Variants in PKD1L3 observed in about 807,000 individuals in gnomAD.
PKD1L3 encodes the protein polycystin-1-like protein 3.
In PKD1L3, 239 loss-of-function variants were observed where a neutral mutation model predicts 184.1. The observed-to-expected ratio is 1.30, with a 90% CI of 1.17 to 1.45. PKD1L3 has a LOEUF of 1.45. PKD1L3 is among the 40% of genes most tolerant of loss of function. The pLI is 0.00. For synonymous variants in PKD1L3, 996 were observed against 778.8 expected (o/e 1.28, Z -4.64); for missense variants, 2,660 against 2,067.2 (o/e 1.29, Z -5.56).
chr16:71,953,164 G>T, intron 17 of PKD1L3, 71 bp from the exon 18 acceptor site: 1 of 1,254,582 alleles, frequency 8.0e-7, no homozygotes, highest in Non-Finnish European at 1.1e-6. Context: ...TCCTCTCCTA[G>T]GTTTAACTAT....
intron 2 of PKD1L3, among the ~76,000 whole-genome samples, chr16:71,994,626 T>G (rs2040715669): frequency 6.6e-6 from 1 of 152,158 alleles, no homozygotes; most frequent in African/African-American, 2.4e-5. Flanking sequence ...TGAGCAAAAT[T>G]ACCTTAAAAA....
chr16:71,950,149 G>T lies in PKD1L3; in HGVS notation c.3352C>A (p.His1118Asn), dbSNP rs1436495210. 2.6e-6 allele frequency: 4 copies of T among 1,552,086 alleles called. No individual in the cohort carries two copies. The highest frequency in any genetic ancestry group is 1.7e-4 in the Middle Eastern group (1 of 6,020). ...LQKLQELLET[H>N]ILPTEQEPSR... The stretch of plus-strand genomic sequence containing the variant: ...GGCTCTTGCTCCGTGGGAAGAATAT[G>T]TGTTTCCAAGAGTTCCTGGAGTTTT... The change falls in exon 20 of 30, where the codon CAT becomes AAT. Residue 1118 changes from histidine to asparagine, a missense_variant. Physicochemically the swap from His to Asn is moderately conservative, Grantham distance 68. Coordinates refer to ENST00000620267, the MANE Select transcript of PKD1L3 (RefSeq NM_181536.2).
chr16:71,945,119 AG>A (rs1459706988), intron 22 of PKD1L3, among the ~76,000 whole-genome samples: 2 of 150,828 alleles, frequency 1.3e-5, no homozygotes, highest in African/African-American at 2.4e-5. Flanking sequence ...TACTTAGACT[AG>A]AAACAAACTG....
At chr16:71,982,328 C>T in intron 6 of PKD1L3, 93 bp from the exon 7 acceptor site, 1 of 1,159,286 alleles carries the variant, frequency 8.6e-7, no homozygotes, top group Non-Finnish European at 1.2e-6. Context: ...TCTTGTTGCC[C>T]AGGCTAGAGT....
Position 71,951,833 on chromosome 16 carries a change from C to T in PKD1L3, c.3010-89G>A, listed in dbSNP as rs568516916. The T allele has an allele frequency of 5.4e-5, 65 of 1,212,992 alleles. 2 individuals carry two copies. Among genetic ancestry groups the T allele is most frequent in the Admixed American group, 3.8e-4 (14 of 37,018 alleles). The allele number at this position is 1,212,992 out of a possible 1,614,324, so 75.1% of individuals were successfully genotyped here. On this transcript the variant is annotated intron_variant, in intron 18 of 29. Coordinates refer to ENST00000620267, the MANE Select transcript of PKD1L3 (RefSeq NM_181536.2). ...TACAGGTGGTAAGGCCGTTCCCTTT[C>T]GTCAGAAGGGGATATGCTTAGCACA...
chr16:71,964,575 G>C (rs1045482513), intron 15 of PKD1L3, among the ~76,000 whole-genome samples: 1 of 151,490 alleles, frequency 6.6e-6, no homozygotes, highest in Non-Finnish European at 1.5e-5. Context: ...TCCTGACCTC[G>C]TGATCTGCCC....
chr16:71,955,957 C>G (rs1428273539), intron 16 of PKD1L3, among the ~76,000 whole-genome samples: 1 of 152,098 alleles, frequency 6.6e-6, no homozygotes, highest in Non-Finnish European at 1.5e-5. Context: ...CTTTCCTTTA[C>G]AAATTACCCA....
At chr16:71,948,902 C>G (rs1365733183) in intron 21 of PKD1L3, among the ~76,000 whole-genome samples, 1 of 148,598 alleles carries the variant, frequency 6.7e-6, no homozygotes, top group Non-Finnish European at 1.5e-5. Flanking sequence ...GTCAAGATAC[C>G]AAGTAGTTTC....
chr16:71,983,751 C>T (rs1418714669), intron 6 of PKD1L3, among the ~76,000 whole-genome samples: 2 of 142,758 alleles, frequency 1.4e-5, no homozygotes, highest in African/African-American at 5.2e-5. Flanking sequence ...ATTGCCTCTG[C>T]CTCCTGGGTT....
At chr16:71,978,576 G>A (rs559448571) in intron 9 of PKD1L3, among the ~76,000 whole-genome samples, 193 bp from the exon 10 acceptor site, 1 of 139,606 alleles carries the variant, frequency 7.2e-6, no homozygotes, top group Non-Finnish European at 1.5e-5. Context: ...GTCACACTCT[G>A]TCAATCAGGA....
Position 71,947,505 on chromosome 16 carries a change from G to C in PKD1L3, c.3705C>G (p.Ile1235Met), listed in dbSNP as rs929992554. ...TACTTGAGTTACCCAAGAGTGCCAA[G>C]ATCCTCTTTGTTTGTTGTTCATTCT... Reference protein sequence around the residue: ...NKENEQQTKRILALLAKCSSS... With the variant: ...NKENEQQTKRMLALLAKCSSS... The change falls in exon 22 of 30, where the codon ATC becomes ATG. Residue 1235 changes from isoleucine to methionine, a missense_variant. By Grantham distance (10) the Ile-to-Met change is conservative (BLOSUM62 1). Coordinates refer to ENST00000620267, the MANE Select transcript of PKD1L3 (RefSeq NM_181536.2). 1.3e-6 allele frequency: 2 copies of C among 1,522,666 alleles called. No homozygotes were observed. Among genetic ancestry groups the C allele is most frequent in the African/African-American group, 1.5e-5 (1 of 64,972 alleles). 94.3% of individuals were successfully genotyped at this position (1,522,666 alleles called of 1,614,324 possible). A position where few individuals can be genotyped will look rare whatever the true frequency, so the allele number is the denominator to read the frequency against.
At chr16:71,931,304 C>T (rs954529755) in intron 28 of PKD1L3, 1 of 152,122 alleles carries the variant, frequency 6.6e-6, no homozygotes, top group African/African-American at 2.4e-5. Flanking sequence ...AGAACACAGC[C>T]TAGTCAGCCA....
intron 28 of PKD1L3, chr16:71,931,345 T>A (rs1249017390): frequency 6.6e-6 from 1 of 152,046 alleles, no homozygotes; most frequent in Admixed American, 6.6e-5. Flanking sequence ...CCTTAGTATC[T>A]GAGAGAGATT....
chr16:71,954,840 C>T (rs2038984498), intron 16 of PKD1L3, among the ~76,000 whole-genome samples: 1 of 152,106 alleles, frequency 6.6e-6, no homozygotes, highest in Admixed American at 6.6e-5. Flanking sequence ...TACTGAGCTC[C>T]AGACCTGGAG....
chr16:71,983,629 G>A (rs1034211080), intron 6 of PKD1L3, among the ~76,000 whole-genome samples: 1 of 145,592 alleles, frequency 6.9e-6, no homozygotes, highest in Non-Finnish European at 1.5e-5. Flanking sequence ...ATAATGCTAA[G>A]CTTGGCATAA....
chr16:71,985,932 G>C (rs910222629), intron 5 of PKD1L3, among the ~76,000 whole-genome samples: 1 of 152,208 alleles, frequency 6.6e-6, no homozygotes, highest in Non-Finnish European at 1.5e-5. Flanking sequence ...AGGAGGAATT[G>C]TCTAGAGGTT....
At position 71,962,473 on chromosome 16, in the gene PKD1L3, A is replaced by G. The variant is rs115358728; in HGVS notation, c.2612+732T>C. On this transcript the variant is annotated intron_variant, in intron 16 of 29. Transcript: ENST00000620267. ...GTGAATTCACCAGTACATTGCTTTA[A>G]TTATTTTGGTTTACTAACATCTTTG... Among the ~76,000 whole-genome samples, 1,025 of 152,204 alleles carry G rather than the reference A, an allele frequency of 6.7e-3. 15 individuals carry two copies. The highest frequency in any genetic ancestry group is 0.023 in the African/African-American group (947 of 41,528).
intron 10 of PKD1L3, 92 bp from the exon 11 acceptor site, chr16:71,977,559 T>TA: frequency 3.0e-5 from 21 of 700,978 alleles, no homozygotes; most frequent in Non-Finnish European, 4.3e-5. Context: ...ACGTCCTAGC[T>TA]CTTTTTTTTT....
Position 71,933,376 on chromosome 16 carries a change from T to TTCAATA in PKD1L3, c.4926+38_4926+43dup, listed in dbSNP as rs1567485370. On this transcript the variant is annotated intron_variant, in intron 28 of 29. Coordinates refer to ENST00000620267, the MANE Select transcript of PKD1L3 (RefSeq NM_181536.2). The stretch of plus-strand genomic sequence containing the variant: ...ATAAGGACCCCCCCAATTTTCCTTG[T>TTCAATA]TCAATATATTGAATTCTGTGAGGAA... 3 of 1,426,058 alleles carry TTCAATA rather than the reference T, an allele frequency of 2.1e-6. No individual in the cohort carries two copies. In the South Asian group the frequency reaches 3.7e-5, roughly 18 times the overall value. 88.3% of individuals were successfully genotyped at this position (1,426,058 alleles called of 1,614,324 possible). A position where few individuals can be genotyped will look rare whatever the true frequency, so the allele number is the denominator to read the frequency against.
Sources: gnomAD v4.1 joint callset for allele counts (sites outside exome capture counted in the v4.1 genomes callset) on GRCh38, gnomAD v4.1.1 for gene constraint, MANE v1.5 for transcripts, NCBI Gene and HGNC (gene_info 2026-07-23, HGNC 2026-07-21) for gene names.